The following CFAP44 variants were observed in gnomAD, a reference collection of about 807,000 sequenced individuals.
The protein encoded by CFAP44 is cilia- and flagella-associated protein 44.
Under a neutral mutation model 216.2 loss-of-function variants are expected in CFAP44, and 134 were observed. The observed-to-expected ratio is 0.62, with a 90% CI of 0.54 to 0.72. The LOEUF is 0.72. Among genes scored for constraint, CFAP44 ranks in the 30% least tolerant of loss-of-function variants. The probability of loss-of-function intolerance (pLI) is 0.00; values close to 1 mark genes in which losing one functional copy is unlikely to be tolerated. For synonymous variants in CFAP44, 700 were observed against 727.6 expected (o/e 0.96, Z 0.61); for missense variants, 2,035 against 2,182.1 (o/e 0.93, Z 1.34).
chr3:113,430,305 G>C (rs1246028025), intron 2 of CFAP44, among the ~76,000 whole-genome samples: 4 of 151,018 alleles, frequency 2.6e-5, no homozygotes, highest in Non-Finnish European at 4.4e-5. Flanking sequence ...TATTAAAATT[G>C]AGATATAGCT....
chr3:113,409,745 T>C (rs1176778557), intron 6 of CFAP44, among the ~76,000 whole-genome samples: 3 of 152,152 alleles, frequency 2.0e-5, no homozygotes, highest in South Asian at 2.1e-4. Context: ...TGGCACAAGA[T>C]ACAGGTCAAA....
chr3:113,296,606 A>AG, intron 33 of CFAP44, 119 bp downstream of exon 33: 1 of 1,188,358 alleles, frequency 8.4e-7, no homozygotes, highest in South Asian at 1.6e-5. Flanking sequence ...GGGCAGCCAA[A>AG]GGGGGCTCGC....
intron 13 of CFAP44, among the ~76,000 whole-genome samples, chr3:113,398,636 C>G (rs971486213): frequency 2.6e-5 from 4 of 152,182 alleles, no homozygotes; most frequent in African/African-American, 9.7e-5. Context: ...TCTACTTACT[C>G]TAGCCTCATC....
At chr3:113,421,100 GA>G (rs1934803810) in intron 4 of CFAP44, among the ~76,000 whole-genome samples, 1 of 152,076 alleles carries the variant, frequency 6.6e-6, no homozygotes, top group Non-Finnish European at 1.5e-5. Flanking sequence ...CTATGCATCT[GA>G]CAAAGGGCTA....
At chr3:113,434,867 A>G (rs1280753679) in intron 1 of CFAP44, 1 of 152,260 alleles carries the variant, frequency 6.6e-6, no homozygotes, top group Admixed American at 6.5e-5. Flanking sequence ...CTCTGAAGAT[A>G]GACTGGTATG....
Position 113,291,047 on chromosome 3 carries a change from G to A in CFAP44, c.*510C>T, listed in dbSNP as rs1949824500. 6.5e-6 allele frequency: 1 copy of A among 154,300 alleles called. No individual in the cohort carries two copies. The highest frequency in any genetic ancestry group is 2.4e-5 in the African/African-American group (1 of 41,434). The allele number at this position is 154,300 out of a possible 1,614,324, so 9.6% of individuals were successfully genotyped here. On this transcript the variant is annotated 3_prime_UTR_variant, in exon 35 of 35. Transcript: ENST00000393845. The stretch of plus-strand genomic sequence containing the variant: ...AACACTGCTTTATGAAGTCAACAAT[G>A]CCAAAACTGAAATTTGCATTTCTAT...
intron 22 of CFAP44, among the ~76,000 whole-genome samples, chr3:113,349,412 C>A (rs950176084): frequency 6.6e-6 from 1 of 152,096 alleles, no homozygotes; most frequent in Non-Finnish European, 1.5e-5. Flanking sequence ...GAGGAACATG[C>A]CGAAAAGGAA....
At chr3:113,316,156 T>A (rs1345860450) in intron 28 of CFAP44, among the ~76,000 whole-genome samples, 1 of 152,092 alleles carries the variant, frequency 6.6e-6, no homozygotes, top group Non-Finnish European at 1.5e-5. Flanking sequence ...ACAGAAAAAT[T>A]CCAAAACACT....
At chr3:113,345,383 G>A (rs1950371405) in intron 22 of CFAP44, among the ~76,000 whole-genome samples, 1 of 151,988 alleles carries the variant, frequency 6.6e-6, no homozygotes, top group African/African-American at 2.4e-5. Flanking sequence ...TAAATTACAT[G>A]GTATGTGTGG....
chr3:113,406,845 G>C (rs770705920), intron 8 of CFAP44, 82 bp downstream of exon 8: 9 of 875,560 alleles, frequency 1.0e-5, no homozygotes, highest in Non-Finnish European at 1.6e-5. Flanking sequence ...GGCAGAGCTT[G>C]TTAGAATTTT....
At chr3:113,326,388 T>A in intron 28 of CFAP44, 57 bp downstream of exon 28, 2 of 1,408,584 alleles carry the variant, frequency 1.4e-6, no homozygotes, top group Non-Finnish European at 1.8e-6. Context: ...CTTAGTTACC[T>A]CTCTATTTCA....
Position 113,380,987 on chromosome 3 carries a change from T to C in CFAP44, c.1964A>G (p.Glu655Gly), listed in dbSNP as rs1255727765. Residue 655 changes from glutamate to glycine, a missense_variant, in exon 16 of 35, where the codon GAA (glutamate) becomes GGA (glycine). By Grantham distance (98) the Glu-to-Gly change is moderately conservative. Around this residue, in one of 3 missense-constraint regions of CFAP44, gnomAD observed 1,883 missense variants for 2,023.7 expected, o/e 0.93. Transcript: ENST00000393845. Reference protein sequence around the residue: ...LEAPLPTIKQEEDDHDVVSYE... With the variant: ...LEAPLPTIKQGEDDHDVVSYE... ...GGAGACTACATCATGATCATCCTCT[T>C]CTTGCTTTATGGTTGGAAGTGGAGC... 6.2e-7 allele frequency: 1 copy of C among 1,601,522 alleles called. No homozygotes were observed. The highest frequency in any genetic ancestry group is 8.5e-7 in the Non-Finnish European group (1 of 1,173,836).
intron 24 of CFAP44, among the ~76,000 whole-genome samples, chr3:113,338,110 A>G (rs1950296587): frequency 6.6e-6 from 1 of 151,850 alleles, no homozygotes; most frequent in Non-Finnish European, 1.5e-5. Context: ...TAAAAAAAAA[A>G]TGCAAAAGTG....
Position 113,291,456 on chromosome 3 carries a change from G to A in CFAP44, c.*101C>T, listed in dbSNP as rs17321330. 667,000 of 1,324,266 alleles carry A rather than the reference G, an allele frequency of 0.5. 176,151 individuals carry two copies. The highest frequency in any genetic ancestry group is 0.56 in the Admixed American group (22,374 of 40,064). The allele number at this position is 1,324,266 out of a possible 1,614,324, so 82.0% of individuals were successfully genotyped here. ...TGGATCTGGTTTTACACTTTCAGGC[G>A]AGTTCAGTTTAAAGTAATAAGATTG... On this transcript the variant is annotated 3_prime_UTR_variant, in exon 35 of 35. Coordinates refer to ENST00000393845, the MANE Select transcript of CFAP44 (RefSeq NM_001164496.2).
At chr3:113,390,638 T>A (rs929702796) in intron 15 of CFAP44, among the ~76,000 whole-genome samples, 16 of 152,124 alleles carry the variant, frequency 1.1e-4, no homozygotes, top group African/African-American at 3.6e-4. Context: ...GTAAACAAAT[T>A]TGGTAAAGTT....
chr3:113,400,563 C>T lies in CFAP44; in HGVS notation c.1456G>A (p.Ala486Thr). 9.3e-6 allele frequency: 15 copies of T among 1,605,456 alleles called. No homozygotes were observed. The highest frequency in any genetic ancestry group is 1.2e-5 in the Non-Finnish European group (14 of 1,175,884). The change falls in exon 12 of 35, where the codon GCC becomes ACC. Residue 486 changes from alanine (A) to threonine (T), a missense_variant. By Grantham distance (58) the Ala-to-Thr change is moderately conservative (BLOSUM62 0). This residue lies in a region of CFAP44 where 1,883 missense variants were observed against 2,023.7 expected (regional missense o/e 0.93). Coordinates refer to ENST00000393845, the MANE Select transcript of CFAP44 (RefSeq NM_001164496.2). ...VAVSPLTYLM[A>T]TTALDCSVRI... ...TACTTACAGTCCAAGGCAGTTGTGG[C>T]CATGAGATAAGTGAGAGGAGAAACA... is the stretch of plus-strand genomic sequence containing the variant.
At position 113,303,997 on chromosome 3, in the gene CFAP44, G is replaced by A; in HGVS notation, c.4996C>T (p.Gln1666Ter). Reference protein sequence around the residue: ...IHELQEENSKQQKLNKEWRER... With the variant: ...IHELQEENSK ...CTCCATTCTTTGTTAAGTTTTTGCTGCTTGGAATTTTCCTCCTGGAGCTCA... is the reference window on the plus strand; with the variant it reads ...CTCCATTCTTTGTTAAGTTTTTGCTACTTGGAATTTTCCTCCTGGAGCTCA... Residue 1666 changes from glutamine (Q) to a stop codon, truncating the protein, a stop_gained, in exon 32 of 35, where the codon CAG becomes TAG. Transcript: ENST00000393845. LOFTEE classifies it high-confidence loss of function. 1 of 1,537,606 alleles carries A rather than the reference G, an allele frequency of 6.5e-7. No individual in the cohort carries two copies. The highest frequency in any genetic ancestry group is 8.7e-7 in the Non-Finnish European group (1 of 1,147,012).
At chr3:113,321,742 A>G (rs1333892534) in intron 28 of CFAP44, among the ~76,000 whole-genome samples, 3 of 152,230 alleles carry the variant, frequency 2.0e-5, no homozygotes, top group African/African-American at 7.2e-5. Context: ...TGAAAATCAA[A>G]TCAAGAATAT....
At position 113,305,084 on chromosome 3, in the gene CFAP44, C is replaced by T. The variant is rs1165767516; in HGVS notation, c.4827G>A (p.Gln1609=). The change falls in exon 31 of 35, where the codon CAG becomes CAA. Residue 1609 remains glutamine (Q), a synonymous_variant. Coordinates refer to ENST00000393845, the MANE Select transcript of CFAP44 (RefSeq NM_001164496.2). ...CAACTAGCAGTTCATTCAGCCGCTG[C>T]TGCTTCTCTCGCTGATAAGCCTCCA... ...EALEAYQREK[Q]QRLNELLVVI... The T allele has an allele frequency of 2.0e-6, 3 of 1,537,176 alleles. No individual in the cohort carries two copies. The highest frequency in any genetic ancestry group is 2.6e-6 in the Non-Finnish European group (3 of 1,146,914).
Sources: allele counts gnomAD v4.1 joint callset (sites outside exome capture counted in the v4.1 genomes callset), GRCh38; gene constraint gnomAD v4.1.1; regional missense constraint gnomAD v4.1.1; transcripts MANE v1.5; gene names NCBI Gene and HGNC (gene_info 2026-07-23, HGNC 2026-07-21).